Variants in BBS12 observed in about 807,000 individuals in gnomAD.
BBS12 encodes the protein chaperonin-containing T-complex member BBS12.
A neutral mutation model predicts 5.6 loss-of-function variants in BBS12; 5 were observed. The observed-to-expected ratio is 0.89, with a 90% confidence interval of 0.46 to 1.86. The LOEUF (loss-of-function observed/expected upper bound fraction) is 1.86. BBS12 is among the 40% of genes most tolerant of loss of function. The probability of loss-of-function intolerance (pLI) is 0.01; values close to 1 mark genes in which losing one functional copy is unlikely to be tolerated. For synonymous variants in BBS12, 308 were observed against 306.8 expected, an observed-to-expected ratio of 1.00 and a Z score of -0.04; for missense variants, 748 against 830.4, an observed-to-expected ratio of 0.90 and a Z score of 1.22.
At position 122,741,929 on chromosome 4, in the gene BBS12, C is replaced by T. The variant is rs964582500; in HGVS notation, c.37C>T (p.His13Tyr). Residue 13 changes from histidine (H) to tyrosine (Y), a missense_variant, in exon 2 of 2, where the codon CAC becomes TAC. By Grantham distance (83) the His-to-Tyr change is moderately conservative. Coordinates refer to ENST00000314218, the MANE Select transcript of BBS12 (RefSeq NM_152618.3). ...MACRVVNKRR[H>Y]MGLQQLSSFA... ...TTGCAGAGTCGTAAACAAAAGAAGA[C>T]ACATGGGACTTCAACAACTTTCATC... 1.9e-6 allele frequency: 3 copies of T among 1,613,912 alleles called. No homozygotes were observed. Among genetic ancestry groups the T allele is most frequent in the African/African-American group, 2.7e-5 (2 of 74,914 alleles).
At chr4:122,705,562 C>G in the BBS12 span, among the ~76,000 whole-genome samples, 1 of 152,176 alleles carries the variant, frequency 6.6e-6, no homozygotes, top group South Asian at 2.1e-4. Context: ...ATAATTTCCC[C>G]TTGGACTGCA....
At chr4:122,733,336 C>G (rs1800729732) in intron 1 of BBS12, among the ~76,000 whole-genome samples, 1 of 150,434 alleles carries the variant, frequency 6.6e-6, no homozygotes, top group Non-Finnish European at 1.5e-5. Flanking sequence ...AGGACTTTGG[C>G]CCCACCCATA....
Position 122,741,902 on chromosome 4 carries a change from G to C in BBS12, c.10G>C (p.Ala4Pro). Residue 4 changes from alanine (A) to proline (P), a missense_variant, in exon 2 of 2, where the codon GCT becomes CCT. Physicochemically the swap from Ala to Pro is conservative, Grantham distance 27. Transcript: ENST00000314218. MVMACRVVNKRRHM... is the reference protein window; with the variant it reads MVMPCRVVNKRRHM... Reference sequence around the variant, plus strand: ...TTGCAGATCATGATACATGGTGATGGCTTGCAGAGTCGTAAACAAAAGAAG... The same window carrying C: ...TTGCAGATCATGATACATGGTGATGCCTTGCAGAGTCGTAAACAAAAGAAG... 6.2e-7 allele frequency: 1 copy of C among 1,614,028 alleles called. No homozygotes were observed.
At chr4:122,735,586 A>C (rs894024617) in intron 1 of BBS12, among the ~76,000 whole-genome samples, 3 of 152,184 alleles carry the variant, frequency 2.0e-5, no homozygotes, top group African/African-American at 7.2e-5. Flanking sequence ...TAAAACTTAT[A>C]TTCATGTTGG....
At chr4:122,705,950 G>T in the BBS12 span, among the ~76,000 whole-genome samples, 2 of 152,140 alleles carry the variant, frequency 1.3e-5, no homozygotes, top group East Asian at 3.8e-4. Flanking sequence ...GTTGGGAGAC[G>T]ACTTCTTCCT....
the BBS12 span, among the ~76,000 whole-genome samples, chr4:122,716,345 A>C: frequency 6.6e-6 from 1 of 151,874 alleles, no homozygotes; most frequent in Non-Finnish European, 1.5e-5. Context: ...AAACATTTTC[A>C]CCCTCCCCAG....
the BBS12 span, among the ~76,000 whole-genome samples, chr4:122,721,249 G>T: frequency 6.6e-6 from 1 of 152,146 alleles, no homozygotes; most frequent in Admixed American, 6.5e-5. Flanking sequence ...CAGCATAAAA[G>T]AATGAAGAGC....
rs759180956 is a variant in BBS12 at position 122,744,009 on chromosome 4, G to C, written c.2117G>C (p.Gly706Ala). ...CAGATAAATTCACAGGAATTAACGG[G>C]CTTTCTATTTTTGTAGTGTTACTGG... ...HTQINSQELT[G>A]FLFL The change falls in exon 2 of 2, where the codon GGC (glycine) becomes GCC (alanine). Residue 706 changes from glycine (G) to alanine (A), a missense_variant. Coordinates refer to ENST00000314218, the MANE Select transcript of BBS12 (RefSeq NM_152618.3). 8.1e-6 allele frequency: 13 copies of C among 1,613,524 alleles called. No individual in the cohort carries two copies. Among genetic ancestry groups the C allele is most frequent in the African/African-American group, 1.3e-5 (1 of 74,890 alleles).
the BBS12 span, among the ~76,000 whole-genome samples, chr4:122,703,227 G>C: frequency 1.3e-5 from 2 of 151,986 alleles, no homozygotes; most frequent in Non-Finnish European, 2.9e-5. Flanking sequence ...GTATTGAAAG[G>C]CTATGAGGAC....
In BBS12 at chr4:122,732,731, C is replaced by T. The variant is rs541180893; in HGVS notation, c.-164C>T. 2 of 152,562 alleles carry T rather than the reference C, an allele frequency of 1.3e-5. No homozygotes were observed. Among genetic ancestry groups the T allele is most frequent in the South Asian group, 4.1e-4 (2 of 4,832 alleles). 9.5% of individuals were successfully genotyped at this position (152,562 alleles called of 1,614,324 possible). ...CTTAGCAACTAAGCCCCCGGCTCCT[C>T]CAGAAGCCCCTCTTCGCACATGCGC... On this transcript the variant is annotated 5_prime_UTR_variant, in exon 1 of 2. Coordinates refer to ENST00000314218, the MANE Select transcript of BBS12 (RefSeq NM_152618.3).
In BBS12 at chr4:122,744,404, G is replaced by T; in HGVS notation, c.*379G>T. On this transcript the variant is annotated 3_prime_UTR_variant, in exon 2 of 2. Transcript: ENST00000314218. ...CACAGTGGGTTATGTTGTAAGCTTG[G>T]GTTATTAACTGCTTTTATAGTAAGC... is the stretch of plus-strand genomic sequence containing the variant. The T allele has an allele frequency of 5.0e-6, 1 of 201,362 alleles. No individual in the cohort carries two copies. Among genetic ancestry groups the T allele is most frequent in the Non-Finnish European group, 1.1e-5 (1 of 90,324 alleles). The allele number at this position is 201,362 out of a possible 1,614,324, so 12.5% of individuals were successfully genotyped here.
chr4:122,711,405 A>C, the BBS12 span, among the ~76,000 whole-genome samples: 1 of 152,074 alleles, frequency 6.6e-6, no homozygotes, highest in African/African-American at 2.4e-5. Context: ...AAGAACACAC[A>C]GGCTTTCCAC....
upstream of BBS12, chr4:122,731,040 G>A (rs1800690281): frequency 6.6e-6 from 1 of 152,120 alleles, no homozygotes; most frequent in African/African-American, 2.4e-5. Context: ...GTCTAAAGCA[G>A]CAATGTGCCA....
the BBS12 span, among the ~76,000 whole-genome samples, chr4:122,707,982 TTTC>T: frequency 6.6e-6 from 1 of 150,640 alleles, no homozygotes; most frequent in East Asian, 1.9e-4. Context: ...CCTTTCTTTC[TTTC>T]TTTTCTCTCT....
intron 1 of BBS12, among the ~76,000 whole-genome samples, chr4:122,733,405 AC>A: frequency 6.8e-6 from 1 of 147,674 alleles, no homozygotes; most frequent in Non-Finnish European, 1.5e-5. Flanking sequence ...ACACACACAC[AC>A]ACACACACAC....
Position 122,742,028 on chromosome 4 carries a change from G to C in BBS12, c.136G>C (p.Glu46Gln). The C allele has an allele frequency of 1.2e-6, 2 of 1,613,946 alleles. No homozygotes were observed. Among genetic ancestry groups the C allele is most frequent in the South Asian group, 2.2e-5 (2 of 91,042 alleles). ...ATTTATTATAGATGAAGAATGTCATGAAAGTGTATTAATCAGTTCAACAGT... is the reference window on the plus strand; with the variant it reads ...ATTTATTATAGATGAAGAATGTCATCAAAGTGTATTAATCAGTTCAACAGT... ...SKFIIDEECH[E>Q]SVLISSTVRL... Residue 46 changes from glutamate to glutamine, a missense_variant, in exon 2 of 2, where the codon GAA (glutamate) becomes CAA (glutamine). Glu to Gln is a conservative substitution (Grantham distance 29). Coordinates refer to ENST00000314218, the MANE Select transcript of BBS12 (RefSeq NM_152618.3).
chr4:122,711,737 G>A, the BBS12 span, among the ~76,000 whole-genome samples: 214 of 152,290 alleles, frequency 1.4e-3, no homozygotes, highest in African/African-American at 4.9e-3. Context: ...TTACCTTGCT[G>A]TCTTTATTTG....
the BBS12 span, among the ~76,000 whole-genome samples, chr4:122,703,980 CTGGG>C: frequency 6.6e-6 from 1 of 152,162 alleles, no homozygotes; most frequent in Non-Finnish European, 1.5e-5. Context: ...TCTCGAACAG[CTGGG>C]ACCACAGGCT....
Position 122,744,117 on chromosome 4 carries a change from C to A in BBS12, c.*92C>A. The stretch of plus-strand genomic sequence containing the variant: ...TAGCCAAGTCATGGTGCCTAAAATG[C>A]CAGCTATTGCCAAGAAGAAAATAGT... On this transcript the variant is annotated 3_prime_UTR_variant, in exon 2 of 2. Transcript: ENST00000314218. The A allele has an allele frequency of 7.8e-7, 1 of 1,290,046 alleles. No homozygotes were observed. The highest frequency in any genetic ancestry group is 1.1e-6 in the Non-Finnish European group (1 of 899,558). The allele number at this position is 1,290,046 out of a possible 1,614,324, so 79.9% of individuals were successfully genotyped here. A position where few individuals can be genotyped will look rare whatever the true frequency, so the allele number is the denominator to read the frequency against.
Sources: allele counts gnomAD v4.1 joint callset (sites outside exome capture counted in the v4.1 genomes callset), GRCh38; gene constraint gnomAD v4.1.1; transcripts MANE v1.5; gene names NCBI Gene and HGNC (gene_info 2026-07-23, HGNC 2026-07-21).